SLC38A9: variants seen among roughly 807,000 people sequenced by gnomAD.
The protein encoded by SLC38A9 is neutral amino acid transporter 9.
A neutral mutation model predicts 62.3 loss-of-function variants in SLC38A9; 48 were observed. The observed-to-expected ratio is 0.77, with a 90% CI of 0.61 to 0.98. SLC38A9 has a LOEUF of 0.98. SLC38A9 is among the 50% of genes least tolerant of loss of function. The probability of loss-of-function intolerance (pLI) is 0.00; values close to 1 mark genes in which losing one functional copy is unlikely to be tolerated. For missense variants in SLC38A9, 541 were observed against 679.8 expected (o/e 0.80, Z 2.27); for synonymous variants, 204 against 227.7 (o/e 0.90, Z 0.94).
At chr5:55,633,937 A>G in intron 13 of SLC38A9, 35 bp from the exon 14 acceptor site, 1 of 1,521,066 alleles carries the variant, frequency 6.6e-7, no homozygotes. Context: ...CATGTTAAAA[A>G]TCAAATTCAG....
intron 7 of SLC38A9, among the ~76,000 whole-genome samples, chr5:55,668,269 C>T (rs1157137793): frequency 6.6e-6 from 1 of 152,168 alleles, no homozygotes; most frequent in African/African-American, 2.4e-5. Flanking sequence ...AAGACATGAA[C>T]TTACTGTATA....
chr5:55,629,578 C>T (rs73119732), intron 14 of SLC38A9, among the ~76,000 whole-genome samples: 7,436 of 152,192 alleles, frequency 0.049, 310 homozygotes, highest in African/African-American at 0.11. Context: ...GGAAAAGTAC[C>T]TGTGTGGCTG....
chr5:55,655,068 G>C (rs538232197), intron 9 of SLC38A9, among the ~76,000 whole-genome samples: 1 of 152,132 alleles, frequency 6.6e-6, no homozygotes, highest in East Asian at 1.9e-4. Flanking sequence ...TCAAACTCCT[G>C]GGCTCAAGCA....
chr5:55,656,757 T>C lies in SLC38A9; in HGVS notation c.715A>G (p.Asn239Asp). The change falls in exon 9 of 16, where the codon AAT (asparagine) becomes GAT (aspartate). Residue 239 changes from asparagine to aspartate, a missense_variant. By Grantham distance (23) the Asn-to-Asp change is conservative (BLOSUM62 1). Coordinates refer to ENST00000396865, the MANE Select transcript of SLC38A9 (RefSeq NM_173514.4). ...KFIFNFIHHI[N>D]DTDTILSTNN... ...GTACTCAGTATAGTGTCTGTGTCAT[T>C]AATGTGATGAATAAAATCTAAAAAT... 1 of 1,572,974 alleles carries C rather than the reference T, an allele frequency of 6.4e-7. No homozygotes were observed. Among genetic ancestry groups the C allele is most frequent in the African/African-American group, 1.4e-5 (1 of 73,586 alleles).
intron 7 of SLC38A9, 157 bp downstream of exon 7, chr5:55,669,071 C>T: frequency 2.2e-6 from 1 of 463,418 alleles, no homozygotes; most frequent in Non-Finnish European, 3.8e-6. Context: ...ATATTATTAG[C>T]AAATCAATTT....
At chr5:55,698,409 T>G (rs1472880159) in intron 2 of SLC38A9, among the ~76,000 whole-genome samples, 3 of 152,240 alleles carry the variant, frequency 2.0e-5, no homozygotes. Flanking sequence ...GTATTTGCTG[T>G]ACCAGAAGAA....
At chr5:55,644,536 C>G (rs902214717) in intron 12 of SLC38A9, among the ~76,000 whole-genome samples, 1 of 152,164 alleles carries the variant, frequency 6.6e-6, no homozygotes, top group East Asian at 1.9e-4. Context: ...AATTCTCTGC[C>G]TCAGCTTCCT....
rs891920676 is a variant in SLC38A9 at position 55,626,520 on chromosome 5, T to G, written c.1660A>C (p.Asn554His). 30 of 1,613,378 alleles carry G rather than the reference T, an allele frequency of 1.9e-5. No individual in the cohort carries two copies. Among genetic ancestry groups the G allele is most frequent in the Non-Finnish European group, 2.5e-5 (29 of 1,179,694 alleles). ...CACATAAAAAACTGAACAATCAGGT[T>G]AGCCACGCCCAAAATGATGATGAAA... ...HVFIIILGVA[N>H]LIVQFFM The change falls in exon 16 of 16, where the codon AAC becomes CAC. Residue 554 changes from asparagine to histidine, a missense_variant. Physicochemically the swap from Asn to His is moderately conservative, Grantham distance 68. Transcript: ENST00000396865.
chr5:55,632,273 T>TAAAAAATAC (rs1743599317), intron 14 of SLC38A9, among the ~76,000 whole-genome samples: 1 of 151,698 alleles, frequency 6.6e-6, no homozygotes, highest in African/African-American at 2.4e-5. Context: ...CCACCACTAC[T>TAAAAAATAC]AAAAAATACA....
At chr5:55,664,606 G>A (rs1750150425) in intron 8 of SLC38A9, 87 bp downstream of exon 8, 1 of 704,012 alleles carries the variant, frequency 1.4e-6, no homozygotes, top group Non-Finnish European at 2.1e-6. Flanking sequence ...TTTATCCCAA[G>A]TCCTAGAATT....
intron 2 of SLC38A9, chr5:55,704,150 A>G (rs1476666798): frequency 1.3e-5 from 2 of 152,234 alleles, no homozygotes; most frequent in African/African-American, 4.8e-5. Context: ...CCTGGGCGGA[A>G]GAGTGAGACC....
chr5:55,627,479 T>C (rs898665186), intron 15 of SLC38A9, among the ~76,000 whole-genome samples: 1 of 152,088 alleles, frequency 6.6e-6, no homozygotes, highest in Non-Finnish European at 1.5e-5. Context: ...CAATTGACAT[T>C]GAAAAATACT....
At chr5:55,632,383 A>C (rs972127910) in intron 14 of SLC38A9, among the ~76,000 whole-genome samples, 2 of 152,190 alleles carry the variant, frequency 1.3e-5, no homozygotes, top group Admixed American at 6.5e-5. Flanking sequence ...GCTTGCAGTG[A>C]GCCGAGATCG....
At chr5:55,644,343 CTATT>C (rs1745935644) in intron 12 of SLC38A9, among the ~76,000 whole-genome samples, 1 of 26,798 alleles carries the variant, frequency 3.7e-5, no homozygotes, top group African/African-American at 8.3e-5. Flanking sequence ...TATTTGTTTT[CTATT>C]TGTCACTATT....
At chr5:55,679,473 C>A (rs1302875217) in intron 3 of SLC38A9, among the ~76,000 whole-genome samples, 2 of 152,018 alleles carry the variant, frequency 1.3e-5, no homozygotes, top group African/African-American at 2.4e-5. Flanking sequence ...CTTTTCAATG[C>A]AATTTATGTT....
chr5:55,635,460 T>G, intron 13 of SLC38A9, 84 bp downstream of exon 13: 1 of 980,224 alleles, frequency 1.0e-6, no homozygotes, highest in Non-Finnish European at 1.6e-6. Context: ...TATCTGATGT[T>G]ATATCTTGCC....
chr5:55,633,214 C>T (rs552117866), intron 14 of SLC38A9, among the ~76,000 whole-genome samples: 2 of 152,120 alleles, frequency 1.3e-5, no homozygotes, highest in East Asian at 3.9e-4. Context: ...AGTATGTTGC[C>T]CAGGCTGGTC....
intron 9 of SLC38A9, among the ~76,000 whole-genome samples, chr5:55,653,362 G>A (rs534194245): frequency 6.6e-6 from 1 of 152,116 alleles, no homozygotes; most frequent in Non-Finnish European, 1.5e-5. Flanking sequence ...TGGGCTGGAT[G>A]GTATTTGGTC....
At chr5:55,692,683 TAAAC>T (rs1754914206) in intron 3 of SLC38A9, 2 of 985,216 alleles carry the variant, frequency 2.0e-6, no homozygotes, top group Admixed American at 6.1e-5. Context: ...TCTACGCAGT[TAAAC>T]AAATTTACAG....
Sources: gnomAD v4.1 joint callset for allele counts (sites outside exome capture counted in the v4.1 genomes callset) on GRCh38, gnomAD v4.1.1 for gene constraint, MANE v1.5 for transcripts, NCBI Gene and HGNC (gene_info 2026-07-23, HGNC 2026-07-21) for gene names.